BPTF: variants seen among roughly 807,000 people sequenced by gnomAD.
BPTF encodes nucleosome-remodeling factor subunit BPTF.
In BPTF, 18 loss-of-function variants were observed where a neutral mutation model predicts 292.5. That is an observed-to-expected ratio of 0.06 (90% CI 0.04 to 0.09). The LOEUF is 0.09. Among genes scored for constraint, BPTF ranks in the 10% least tolerant of loss-of-function variants. The pLI is 1.00. For synonymous variants in BPTF, 1,225 were observed against 1,251.9 expected (o/e 0.98, Z 0.45); for missense variants, 2,726 against 3,498.7 (o/e 0.78, Z 5.57).
intron 1 of BPTF, among the ~76,000 whole-genome samples, chr17:67,836,509 A>C (rs1264888862): frequency 6.6e-6 from 1 of 152,218 alleles, no homozygotes; most frequent in Non-Finnish European, 1.5e-5. Flanking sequence ...ATTCTTGCAT[A>C]GATACTTGTC....
chr17:67,895,496 C>G (rs1019773552), intron 7 of BPTF, among the ~76,000 whole-genome samples: 4 of 143,350 alleles, frequency 2.8e-5, no homozygotes, highest in Non-Finnish European at 4.5e-5. Flanking sequence ...CAGGATCTCA[C>G]TGTCACCCAG....
intron 15 of BPTF, among the ~76,000 whole-genome samples, chr17:67,928,008 C>T (rs750268511): frequency 3.3e-5 from 5 of 151,960 alleles, no homozygotes; most frequent in Non-Finnish European, 7.4e-5. Flanking sequence ...CTCAGCCTCC[C>T]GAGTAGTTAG....
At chr17:67,851,132 A>G (rs1461851370) in intron 1 of BPTF, among the ~76,000 whole-genome samples, 2 of 152,088 alleles carry the variant, frequency 1.3e-5, no homozygotes, top group Non-Finnish European at 2.9e-5. Context: ...AGACAAGGAG[A>G]GGTCTCATGA....
chr17:67,917,978 A>AT (rs1263409408), intron 11 of BPTF, among the ~76,000 whole-genome samples: 2 of 152,016 alleles, frequency 1.3e-5, no homozygotes, highest in East Asian at 3.9e-4. Flanking sequence ...CGCCTGGCTA[A>AT]TTTTTTGTAT....
At chr17:67,902,995 A>T (rs946610425) in intron 7 of BPTF, among the ~76,000 whole-genome samples, 1 of 152,230 alleles carries the variant, frequency 6.6e-6, no homozygotes, top group Non-Finnish European at 1.5e-5. Flanking sequence ...CTAAATGTAG[A>T]GCCTCACCAC....
chr17:67,838,188 GGCT>G (rs1421294950), intron 1 of BPTF, among the ~76,000 whole-genome samples: 1 of 152,200 alleles, frequency 6.6e-6, no homozygotes, highest in Non-Finnish European at 1.5e-5. Context: ...AAATGAGCAT[GGCT>G]GCTTTCTAAT....
chr17:67,956,678 A>C (rs184767498), intron 23 of BPTF: 6 of 151,698 alleles, frequency 4.0e-5, no homozygotes, highest in Non-Finnish European at 7.4e-5. Flanking sequence ...AAAAAAAAAA[A>C]AACGGTCAGG....
chr17:67,853,898 G>A, intron 1 of BPTF, 42 bp from the exon 2 acceptor site: 1 of 1,463,456 alleles, frequency 6.8e-7, no homozygotes, highest in Middle Eastern at 1.8e-4. Context: ...TAGAAATGAT[G>A]TAATGTATTG....
chr17:67,915,815 C>G (rs2062947132), intron 11 of BPTF, among the ~76,000 whole-genome samples: 1 of 152,148 alleles, frequency 6.6e-6, no homozygotes, highest in Non-Finnish European at 1.5e-5. Flanking sequence ...TCTAGTTTAC[C>G]TCTGTGTCCC....
intron 24 of BPTF, among the ~76,000 whole-genome samples, chr17:67,962,605 C>T (rs1489176750): frequency 6.6e-6 from 1 of 152,188 alleles, no homozygotes; most frequent in African/African-American, 2.4e-5. Context: ...ACGTTCCCTG[C>T]CCGTTAGTTA....
intron 4 of BPTF, chr17:67,891,306 G>T (rs2061093474): frequency 1.3e-5 from 2 of 152,134 alleles, no homozygotes. Flanking sequence ...GTCTTTATTA[G>T]GTTATAAAAA....
intron 9 of BPTF, among the ~76,000 whole-genome samples, chr17:67,906,500 A>G (rs768444871): frequency 2.0e-5 from 3 of 152,218 alleles, no homozygotes; most frequent in Admixed American, 6.5e-5. Flanking sequence ...CTCAAGTTCA[A>G]TGAGCCGATT....
chr17:67,926,798 T>C (rs56009241), intron 15 of BPTF, among the ~76,000 whole-genome samples: 1,736 of 152,088 alleles, frequency 0.011, 28 homozygotes, highest in African/African-American at 0.04. Flanking sequence ...AGTGTAGTGG[T>C]GAGATCATAG....
intron 20 of BPTF, among the ~76,000 whole-genome samples, chr17:67,945,161 A>T (rs1194171978): frequency 6.6e-6 from 1 of 152,028 alleles, no homozygotes; most frequent in African/African-American, 2.4e-5. Context: ...TCAGCCTCCC[A>T]CGTAGCTTGG....
At position 67,855,583 on chromosome 17, in the gene BPTF, G is replaced by A. The variant is rs562840496; in HGVS notation, c.1436+821G>A. On this transcript the variant is annotated intron_variant, in intron 2 of 27. Transcript: ENST00000306378. ...CATAGTCTGGCCTCAGTGTTCCTGA[G>A]GGTTTCGAGAAGCTCTTCTGGGAAG... 1.2e-4 allele frequency among the ~76,000 whole-genome samples: 18 copies of A among 152,310 alleles called. No individual in the cohort carries two copies. The South Asian group carries it at 3.5e-3, about 30-fold the overall frequency.
At chr17:67,933,056 C>T (rs1399033775) in intron 18 of BPTF, among the ~76,000 whole-genome samples, 2 of 151,866 alleles carry the variant, frequency 1.3e-5, no homozygotes, top group African/African-American at 4.8e-5. Flanking sequence ...AGTTTGAGAC[C>T]ATCCTGGCCA....
At chr17:67,947,875 C>T in intron 22 of BPTF, 67 bp downstream of exon 22, 1 of 1,439,088 alleles carries the variant, frequency 6.9e-7, no homozygotes, top group South Asian at 1.3e-5. Flanking sequence ...GCACAGAGTT[C>T]TGAGTTTATA....
Position 67,912,872 on chromosome 17 carries a change from A to G in BPTF, c.4988A>G (p.Asp1663Gly). ...SKTVVTTTVTDSLTTTGGTLV... is the reference protein window; with the variant it reads ...SKTVVTTTVTGSLTTTGGTLV... The stretch of plus-strand genomic sequence containing the variant: ...ACCGTGGTCACCACGACAGTGACAG[A>G]CTCCCTGACCACCACGGGAGGCACA... Residue 1663 changes from aspartate (D) to glycine (G), a missense_variant, in exon 11 of 28, where the codon GAC becomes GGC. Coordinates refer to ENST00000306378, the MANE Select transcript of BPTF (RefSeq NM_182641.4). 6.2e-7 allele frequency: 1 copy of G among 1,613,968 alleles called. No individual in the cohort carries two copies. Among genetic ancestry groups the G allele is most frequent in the East Asian group, 2.2e-5 (1 of 44,852 alleles).
At chr17:67,857,364 G>T (rs745921556) in intron 2 of BPTF, among the ~76,000 whole-genome samples, 4 of 151,404 alleles carry the variant, frequency 2.6e-5, no homozygotes, top group Non-Finnish European at 5.9e-5. Context: ...GTTTCACCGT[G>T]TTAGCCAGGA....
Sources: gnomAD v4.1 joint callset for allele counts (sites outside exome capture counted in the v4.1 genomes callset) on GRCh38, gnomAD v4.1.1 for gene constraint, MANE v1.5 for transcripts, NCBI Gene and HGNC (gene_info 2026-07-23, HGNC 2026-07-21) for gene names.